Variants in RIPOR1 observed in about 807,000 individuals in gnomAD.
RIPOR1 encodes the protein rho family-interacting cell polarization regulator 1.
In RIPOR1, 58 loss-of-function variants were observed where a neutral mutation model predicts 116.5. The observed-to-expected ratio is 0.50, with a 90% CI of 0.40 to 0.62. The LOEUF (loss-of-function observed/expected upper bound fraction) is 0.62. Among genes scored for constraint, RIPOR1 ranks in the 20% least tolerant of loss-of-function variants. The probability of loss-of-function intolerance (pLI) is 0.00; values close to 1 mark genes in which losing one functional copy is unlikely to be tolerated. For missense variants in RIPOR1, 1,372 were observed against 1,586.2 expected (o/e 0.86, Z 2.29); for synonymous variants, 605 against 650.0 (o/e 0.93, Z 1.05).
chr16:67,527,733 G>A (rs1052034051), upstream of RIPOR1, among the ~76,000 whole-genome samples: 6 of 151,888 alleles, frequency 4.0e-5, no homozygotes, highest in South Asian at 2.1e-4. Context: ...AAAATTAGCC[G>A]GGCGTGGTGT....
Position 67,538,702 on chromosome 16 carries a change from C to T in RIPOR1, c.135C>T (p.Pro45=). The T allele has an allele frequency of 6.2e-7, 1 of 1,613,210 alleles. No individual in the cohort carries two copies. ...RSFPVFSPPG[P]PRKPPALSRV... is the part of the protein sequence containing the mutation. ...TCCCGGTCTTCAGCCCGCCGGGGCC[C>T]CCACGGAAGCCCCCCGCGCTCTCCC... The change falls in exon 3 of 22, where the codon CCC becomes CCT. Residue 45 remains proline (P), a synonymous_variant. Coordinates refer to ENST00000042381, the MANE Select transcript of RIPOR1 (RefSeq NM_024519.4).
At position 67,541,756 on chromosome 16, in the gene RIPOR1, C is replaced by G; in HGVS notation, c.1054C>G (p.Pro352Ala). 6.2e-7 allele frequency: 1 copy of G among 1,614,134 alleles called. No homozygotes were observed. Among genetic ancestry groups the G allele is most frequent in the Non-Finnish European group, 8.5e-7 (1 of 1,179,986 alleles). ...STYSQSPPDT[P>A]SLREQAFYNM... ...CTATAGCCAGAGCCCACCGGACACA[C>G]CCTCACTTCGGGAACAGGCTTTCTA... The change falls in exon 12 of 22, where the codon CCC becomes GCC. Residue 352 changes from proline (P) to alanine (A), a missense_variant. By Grantham distance (27) the Pro-to-Ala change is conservative. Coordinates refer to ENST00000042381, the MANE Select transcript of RIPOR1 (RefSeq NM_024519.4). The surrounding 1 kb of genome is among the most constrained non-coding windows in gnomAD (Gnocchi z 4.6).
rs929677801 is a variant in RIPOR1, at chr16:67,540,806, A to T, written c.801+102A>T. ...ACTCCTGTGATCCCCTCATAGCTCCATAGCCCTGTGAAGATATGATTCCAT... is the reference window on the plus strand; with the variant it reads ...ACTCCTGTGATCCCCTCATAGCTCCTTAGCCCTGTGAAGATATGATTCCAT... On this transcript the variant is annotated intron_variant, in intron 10 of 21. Transcript: ENST00000042381. The surrounding 1 kb of genome is among the most constrained non-coding windows in gnomAD (Gnocchi z 4.7). The T allele has an allele frequency of 1.7e-6, 2 of 1,192,122 alleles. No homozygotes were observed. Among genetic ancestry groups the T allele is most frequent in the African/African-American group, 3.1e-5 (2 of 65,232 alleles). 73.8% of individuals were successfully genotyped at this position (1,192,122 alleles called of 1,614,324 possible). A position where few individuals can be genotyped will look rare whatever the true frequency, so the allele number is the denominator to read the frequency against.
At position 67,544,530 on chromosome 16, in the gene RIPOR1, C is replaced by A; in HGVS notation, c.2733+99C>A. 6.5e-7 allele frequency: 1 copy of A among 1,533,506 alleles called. No individual in the cohort carries two copies. Among genetic ancestry groups the A allele is most frequent in the Non-Finnish European group, 8.8e-7 (1 of 1,132,304 alleles). The allele number at this position is 1,533,506 out of a possible 1,614,324, so 95.0% of individuals were successfully genotyped here. On this transcript the variant is annotated intron_variant, in intron 15 of 21. Transcript: ENST00000042381. The surrounding 1 kb of genome is among the most constrained non-coding windows in gnomAD (Gnocchi z 5.1). The stretch of plus-strand genomic sequence containing the variant: ...TCCTCTATACCTCCTCTGAGTGCCA[C>A]ACCCCAGTGCCCCAGGGCCCTTGGC...
chr16:67,528,790 G>A, upstream of RIPOR1: 1 of 152,172 alleles, frequency 6.6e-6, no homozygotes, highest in Non-Finnish European at 1.5e-5. Context: ...GGGAGGGGCG[G>A]CGGGGCGGCG....
In RIPOR1 at chr16:67,531,503, A is replaced by AG. The variant is rs2050659607; in HGVS notation, c.-24+2592dup. 2 of 396,824 alleles carry AG rather than the reference A, an allele frequency of 5.0e-6. No homozygotes were observed. The highest frequency in any genetic ancestry group is 1.6e-4 in the East Asian group (2 of 12,866). The allele number at this position is 396,824 out of a possible 1,614,324, so 24.6% of individuals were successfully genotyped here. The stretch of plus-strand genomic sequence containing the variant: ...GAAGTCAAAAAGGGGGAACCAACCC[A>AG]GGGCCTGCTTCCTGGAGGAAGAAGT... On this transcript the variant is annotated intron_variant, in intron 1 of 21. Transcript: ENST00000042381. The surrounding 1 kb of genome is among the most constrained non-coding windows in gnomAD (Gnocchi z 4.2).
At chr16:67,522,744 C>T (rs2142391306) in intron 1 of RIPOR1, among the ~76,000 whole-genome samples, 1 of 152,208 alleles carries the variant, frequency 6.6e-6, no homozygotes, top group Non-Finnish European at 1.5e-5. Flanking sequence ...CTGACCTCTC[C>T]TCTAGCCCAC....
At chr16:67,518,867 A>G (rs1044660060) in intron 1 of RIPOR1, among the ~76,000 whole-genome samples, 1 of 152,218 alleles carries the variant, frequency 6.6e-6, no homozygotes, top group Admixed American at 6.5e-5. Context: ...GGGCTTTGTA[A>G]GAGAGAAGGA....
intron 1 of RIPOR1, among the ~76,000 whole-genome samples, chr16:67,519,411 G>T (rs927517042): frequency 2.0e-5 from 3 of 152,210 alleles, no homozygotes; most frequent in Non-Finnish European, 4.4e-5. Context: ...GAACTGGCCA[G>T]GGGTGAGGGG....
Position 67,538,984 on chromosome 16 carries a change from C to A in RIPOR1, c.258-6C>A, listed in dbSNP as rs772010535. ...AGTTCATTCTTGTGGTCGCCCCTTT[C>A]CTCAGGGCCTACTTGGAAGTGCACC... On this transcript the variant is annotated splice_region_variant and splice_polypyrimidine_tract_variant and intron_variant, in intron 3 of 21. Transcript: ENST00000042381. 7 of 1,613,958 alleles carry A rather than the reference C, an allele frequency of 4.3e-6. No homozygotes were observed. In the South Asian group the frequency reaches 7.7e-5, roughly 18 times the overall value.
At chr16:67,520,062 CAAAAAAAAAA>C (rs796368368) in intron 1 of RIPOR1, among the ~76,000 whole-genome samples, 5 of 46,020 alleles carry the variant, frequency 1.1e-4, no homozygotes, top group African/African-American at 2.4e-4. Context: ...AACTCCGTCT[CAAAAAAAAAA>C]AAAAAAAAAA....
At position 67,530,757 on chromosome 16, in the gene RIPOR1, G is replaced by A. The variant is rs1330252327; in HGVS notation, c.-24+1843G>A. On this transcript the variant is annotated intron_variant, in intron 1 of 21. Transcript: ENST00000042381. This position sits in a 1 kb window ranked among gnomAD's most constrained non-coding sequence, Gnocchi z 4.5. ...ACGGCCATCCTGACCTGGCTGTGCTGCAAGCCCCATAACCTTTGGAACCTT... is the reference window on the plus strand; with the variant it reads ...ACGGCCATCCTGACCTGGCTGTGCTACAAGCCCCATAACCTTTGGAACCTT... Among the ~76,000 whole-genome samples the A allele has an allele frequency of 1.3e-5, 2 of 152,166 alleles. No individual in the cohort carries two copies. Among genetic ancestry groups the A allele is most frequent in the Non-Finnish European group, 2.9e-5 (2 of 68,008 alleles).
At chr16:67,522,794 C>T (rs1369632167) in intron 1 of RIPOR1, among the ~76,000 whole-genome samples, 1 of 152,034 alleles carries the variant, frequency 6.6e-6, no homozygotes, top group African/African-American at 2.4e-5. Flanking sequence ...CCTCCCAGCC[C>T]CCCAACCCCC....
At chr16:67,519,744 A>C (rs1249420015) in intron 1 of RIPOR1, among the ~76,000 whole-genome samples, 15 of 151,880 alleles carry the variant, frequency 9.9e-5, no homozygotes, top group Non-Finnish European at 1.5e-5. Context: ...GGGGGATGAG[A>C]CTCAAGTCAT....
chr16:67,532,479 A>G (rs1567563088), intron 1 of RIPOR1, among the ~76,000 whole-genome samples: 1 of 151,950 alleles, frequency 6.6e-6, no homozygotes, highest in Admixed American at 6.6e-5. Context: ...AAAAAAAAAA[A>G]TTAGGTATAG....
Position 67,542,432 on chromosome 16 carries a change from C to T in RIPOR1, c.1646C>T (p.Thr549Ile), listed in dbSNP as rs1409920481. The T allele has an allele frequency of 9.3e-6, 15 of 1,613,724 alleles. No homozygotes were observed. The highest frequency in any genetic ancestry group is 1.3e-5 in the Non-Finnish European group (15 of 1,179,842). Reference sequence around the variant, plus strand: ...CTGCCAGGCCCCACTCACACCACTACAGGCTCTACCTATAGTGCCATTACC... The same window carrying T: ...CTGCCAGGCCCCACTCACACCACTATAGGCTCTACCTATAGTGCCATTACC... Reference protein sequence around the residue: ...SELPGPTHTTTGSTYSAITTT... With the variant: ...SELPGPTHTTIGSTYSAITTT... The change falls in exon 13 of 22, where the codon ACA becomes ATA. Residue 549 changes from threonine (T) to isoleucine (I), a missense_variant. By Grantham distance (89) the Thr-to-Ile change is moderately conservative. Coordinates refer to ENST00000042381, the MANE Select transcript of RIPOR1 (RefSeq NM_024519.4). This position sits in a 1 kb window ranked among gnomAD's most constrained non-coding sequence, Gnocchi z 4.6.
In RIPOR1 at chr16:67,541,914, C is replaced by A; in HGVS notation, c.1128C>A (p.Ser376=). ...QEELENGTAW[S]LSSESSDDSS... Reference sequence around the variant, plus strand: ...AGCTGGAGAATGGGACAGCATGGTCCCTGTCATCTGAATCTTCAGACGACT... The same window carrying A: ...AGCTGGAGAATGGGACAGCATGGTCACTGTCATCTGAATCTTCAGACGACT... Residue 376 remains serine (S), a synonymous_variant, in exon 13 of 22, where the codon TCC becomes TCA. Coordinates refer to ENST00000042381, the MANE Select transcript of RIPOR1 (RefSeq NM_024519.4). This position sits in a 1 kb window ranked among gnomAD's most constrained non-coding sequence, Gnocchi z 4.6. 1.2e-6 allele frequency: 2 copies of A among 1,612,116 alleles called. No homozygotes were observed. Among genetic ancestry groups the A allele is most frequent in the Admixed American group, 1.7e-5 (1 of 59,920 alleles).
Position 67,529,898 on chromosome 16 carries a change from G to T in RIPOR1, c.-24+984G>T. ...TCAAGGTCACACAGCTGGTTTGGGA[G>T]AAGCGAGGATTAGATCTGAGTCCTT... On this transcript the variant is annotated intron_variant, in intron 1 of 21. Transcript: ENST00000042381. The surrounding 1 kb of genome is among the most constrained non-coding windows in gnomAD (Gnocchi z 4.1). The T allele has an allele frequency of 7.3e-7, 1 of 1,369,356 alleles. No individual in the cohort carries two copies. Among genetic ancestry groups the T allele is most frequent in the Non-Finnish European group, 1.0e-6 (1 of 994,814 alleles). The allele number at this position is 1,369,356 out of a possible 1,614,324, so 84.8% of individuals were successfully genotyped here. A position where few individuals can be genotyped will look rare whatever the true frequency, so the allele number is the denominator to read the frequency against.
rs1362212447 is a variant in RIPOR1 at position 67,541,648 on chromosome 16, C to T, written c.951-5C>T. 1 of 1,614,100 alleles carries T rather than the reference C, an allele frequency of 6.2e-7. No homozygotes were observed. The highest frequency in any genetic ancestry group is 8.5e-7 in the Non-Finnish European group (1 of 1,179,974). ...GCACCTGCCAACAGCCTCTTCCCTT[C>T]CCAGCCCCTTCGACAAGGATGACCA... is the stretch of plus-strand genomic sequence containing the variant. On this transcript the variant is annotated splice_region_variant and splice_polypyrimidine_tract_variant and intron_variant, in intron 11 of 21. Transcript: ENST00000042381. The surrounding 1 kb of genome is among the most constrained non-coding windows in gnomAD (Gnocchi z 4.6).
Sources: allele counts gnomAD v4.1 joint callset (sites outside exome capture counted in the v4.1 genomes callset), GRCh38; gene constraint gnomAD v4.1.1; non-coding constraint Gnocchi (gnomAD v3.1); transcripts MANE v1.5; gene names NCBI Gene and HGNC (gene_info 2026-07-23, HGNC 2026-07-21).